The following CYP39A1 variants were observed in gnomAD, a reference collection of about 807,000 sequenced individuals.
CYP39A1 encodes the protein cytochrome P450 family 39 subfamily A member 1, also known as 24-hydroxycholesterol 7-alpha-hydroxylase.
A neutral mutation model predicts 58.1 loss-of-function variants in CYP39A1; 49 were observed. The ratio of observed to expected loss-of-function variants is 0.84; its 90% CI spans 0.67 to 1.07. The LOEUF is 1.07. Ranked by LOEUF, CYP39A1 falls within the 50% of genes least tolerant of loss-of-function variation. CYP39A1 has a pLI of 0.00. For missense variants in CYP39A1, 531 were observed against 539.4 expected, an observed-to-expected ratio of 0.98 and a Z score of 0.16; for synonymous variants, 209 against 187.6, an observed-to-expected ratio of 1.11 and a Z score of -0.93.
chr6:46,559,182 A>G (rs547239691), intron 10 of CYP39A1, among the ~76,000 whole-genome samples: 2 of 152,250 alleles, frequency 1.3e-5, no homozygotes, highest in South Asian at 2.1e-4. Context: ...TCAAGTCCCA[A>G]GGACAACCAT....
intron 10 of CYP39A1, among the ~76,000 whole-genome samples, chr6:46,557,657 A>G (rs1370132929): frequency 6.7e-6 from 1 of 150,286 alleles, no homozygotes; most frequent in Admixed American, 6.6e-5. Flanking sequence ...AAAAAAAAAA[A>G]GCAAGGCACA....
At chr6:46,558,761 G>T (rs1386945783) in intron 10 of CYP39A1, among the ~76,000 whole-genome samples, 4 of 152,178 alleles carry the variant, frequency 2.6e-5, no homozygotes, top group Non-Finnish European at 2.9e-5. Context: ...ACTTTGGGAG[G>T]CCGAGGTGGG....
chr6:46,586,088 T>C (rs114465504), intron 10 of CYP39A1, among the ~76,000 whole-genome samples: 1,841 of 152,230 alleles, frequency 0.012, 32 homozygotes, highest in African/African-American at 0.042. Flanking sequence ...AGAATTTCCA[T>C]GATTGGCTAT....
intron 7 of CYP39A1, among the ~76,000 whole-genome samples, chr6:46,600,504 T>C (rs1304887352): frequency 1.3e-5 from 2 of 151,848 alleles, no homozygotes; most frequent in African/African-American, 4.8e-5. Context: ...GAACCAACCA[T>C]GAGATGAGAG....
intron 10 of CYP39A1, among the ~76,000 whole-genome samples, 196 bp downstream of exon 10, chr6:46,586,881 T>G (rs1363322746): frequency 6.6e-6 from 1 of 152,164 alleles, no homozygotes; most frequent in East Asian, 1.9e-4. Flanking sequence ...TCATAAGGTC[T>G]TCTATCAGAA....
chr6:46,622,077 A>C (rs1490725288), intron 7 of CYP39A1, among the ~76,000 whole-genome samples: 1 of 152,126 alleles, frequency 6.6e-6, no homozygotes, highest in Non-Finnish European at 1.5e-5. Context: ...GACACAAAGG[A>C]CCACATATCA....
intron 1 of CYP39A1, among the ~76,000 whole-genome samples, chr6:46,645,486 A>T (rs1762266705): frequency 6.6e-6 from 1 of 152,110 alleles, no homozygotes; most frequent in African/African-American, 2.4e-5. Context: ...ATCACTTGGC[A>T]TGTTTGTGTG....
intron 7 of CYP39A1, among the ~76,000 whole-genome samples, chr6:46,603,236 A>C (rs6458513): frequency 0.071 from 10,829 of 152,248 alleles, 884 homozygotes; most frequent in African/African-American, 0.2. Context: ...CAGGACCACA[A>C]ATTCACTATG....
At chr6:46,631,856 G>T (rs927027788) in intron 5 of CYP39A1, among the ~76,000 whole-genome samples, 1 of 152,142 alleles carries the variant, frequency 6.6e-6, no homozygotes, top group Non-Finnish European at 1.5e-5. Context: ...TTCATCGGGC[G>T]GTTTCCCCAG....
intron 1 of CYP39A1, among the ~76,000 whole-genome samples, chr6:46,650,353 C>A (rs1382791913): frequency 1.4e-5 from 2 of 141,890 alleles, no homozygotes; most frequent in Non-Finnish European, 3.0e-5. Flanking sequence ...ATTTGAATCT[C>A]CCCTGGCACC....
chr6:46,557,255 A>C (rs1378161748), intron 10 of CYP39A1, among the ~76,000 whole-genome samples: 1 of 151,934 alleles, frequency 6.6e-6, no homozygotes. Flanking sequence ...CCAAGCAGGG[A>C]AAATATTTTG....
chr6:46,618,268 T>C (rs1044371940), intron 7 of CYP39A1, among the ~76,000 whole-genome samples: 1 of 152,120 alleles, frequency 6.6e-6, no homozygotes, highest in African/African-American at 2.4e-5. Flanking sequence ...GAAAAAGGCT[T>C]AAAGAACTTG....
chr6:46,569,983 G>A (rs1208803221), intron 10 of CYP39A1, among the ~76,000 whole-genome samples: 3 of 152,102 alleles, frequency 2.0e-5, no homozygotes, highest in Non-Finnish European at 4.4e-5. Context: ...AAGGGAAACA[G>A]TTCATGGGCT....
chr6:46,563,710 G>A (rs762452850), intron 10 of CYP39A1, among the ~76,000 whole-genome samples: 1 of 152,112 alleles, frequency 6.6e-6, no homozygotes, highest in Non-Finnish European at 1.5e-5. Flanking sequence ...ACACCATGAG[G>A]GCAAAAGAAC....
In CYP39A1 at chr6:46,588,043, C is replaced by G; in HGVS notation, c.1152G>C (p.Leu384Phe). 6.4e-7 allele frequency: 1 copy of G among 1,568,294 alleles called. No homozygotes were observed. Among genetic ancestry groups the G allele is most frequent in the East Asian group, 2.3e-5 (1 of 42,856 alleles). Residue 384 changes from leucine to phenylalanine, a missense_variant, in exon 9 of 12, where the codon TTG (leucine) becomes TTC (phenylalanine). Transcript: ENST00000275016. The stretch of plus-strand genomic sequence containing the variant: ...GAAAGAGATAACTTACAGGTTTGAA[C>G]AATTCAGGCTCAGGAAAATACTTTG... The part of the protein sequence containing the change: ...RNPKYFPEPE[L>F]FKPERWKKAN...
chr6:46,602,924 G>GC (rs1046492899), intron 7 of CYP39A1, among the ~76,000 whole-genome samples: 2 of 2,848 alleles, frequency 7.0e-4, no homozygotes, highest in East Asian at 0.083. Context: ...AATATAAAAT[G>GC]GGGGGGGGGA....
chr6:46,626,557 A>G (rs1775317924), intron 6 of CYP39A1, among the ~76,000 whole-genome samples: 1 of 152,136 alleles, frequency 6.6e-6, no homozygotes, highest in African/African-American at 2.4e-5. Flanking sequence ...ACTGTTCATT[A>G]TTTTTCCCTT....
chr6:46,589,532 G>A (rs1380425384), intron 8 of CYP39A1, among the ~76,000 whole-genome samples: 1 of 152,030 alleles, frequency 6.6e-6, no homozygotes, highest in East Asian at 1.9e-4. Flanking sequence ...TTTAACCCAG[G>A]AGAACCCCTG....
chr6:46,652,288 G>T, intron 1 of CYP39A1, 118 bp downstream of exon 1: 1 of 991,686 alleles, frequency 1.0e-6, no homozygotes, highest in Non-Finnish European at 1.4e-6. Flanking sequence ...AGATCCTTTA[G>T]TTGAGGCAAG....
Sources: allele counts gnomAD v4.1 joint callset (sites outside exome capture counted in the v4.1 genomes callset), GRCh38; gene constraint gnomAD v4.1.1; transcripts MANE v1.5; gene names NCBI Gene and HGNC (gene_info 2026-07-23, HGNC 2026-07-21).